MIPOL1: variants seen among roughly 807,000 people sequenced by gnomAD.
MIPOL1 encodes the protein mirror-image polydactyly 1.
MIPOL1 carries 57 observed loss-of-function variants against 60.9 expected under a neutral mutation model. The observed-to-expected ratio is 0.94, with a 90% CI of 0.76 to 1.17. The LOEUF (loss-of-function observed/expected upper bound fraction) is 1.17, where lower values mean the gene tolerates loss of function less well. Among genes scored for constraint, MIPOL1 ranks in the 50% most tolerant of loss-of-function variants. The pLI is 0.00. For missense variants in MIPOL1, 551 were observed against 511.6 expected (o/e 1.08, Z -0.74); for synonymous variants, 179 against 168.8 (o/e 1.06, Z -0.47).
At chr14:37,296,054 G>A (rs1329988970) in intron 7 of MIPOL1, among the ~76,000 whole-genome samples, 1 of 152,186 alleles carries the variant, frequency 6.6e-6, no homozygotes, top group African/African-American at 2.4e-5. Context: ...ATAGTTGGAA[G>A]TAAAGCACTC....
intron 11 of MIPOL1, among the ~76,000 whole-genome samples, chr14:37,445,205 G>C (rs1327144833): frequency 6.6e-6 from 1 of 151,808 alleles, no homozygotes; most frequent in African/African-American, 2.4e-5. Flanking sequence ...ATCTCCTTAA[G>C]CTGATAAGCA....
At chr14:37,502,880 G>T (rs1044406257) in intron 12 of MIPOL1, 5 of 152,064 alleles carry the variant, frequency 3.3e-5, no homozygotes, top group African/African-American at 1.2e-4. Context: ...CTTGAAAAAA[G>T]GTTACATGAA....
At chr14:37,417,601 T>C (rs2093794528) in intron 10 of MIPOL1, among the ~76,000 whole-genome samples, 1 of 152,202 alleles carries the variant, frequency 6.6e-6, no homozygotes, top group Admixed American at 6.5e-5. Flanking sequence ...TACTTAGTTA[T>C]GTTTCTTTTT....
chr14:37,399,481 G>T (rs2093440972), intron 10 of MIPOL1, among the ~76,000 whole-genome samples: 1 of 152,014 alleles, frequency 6.6e-6, no homozygotes, highest in African/African-American at 2.4e-5. Context: ...TGATATCTGG[G>T]TCATGCTGGC....
intron 9 of MIPOL1, 48 bp from the exon 10 acceptor site, chr14:37,369,469 A>G: frequency 7.1e-7 from 1 of 1,417,878 alleles, no homozygotes; most frequent in South Asian, 1.2e-5. Context: ...CTTGGTGAAA[A>G]AAAATGCTAT....
chr14:37,472,438 CTAA>C (rs1315403468), intron 11 of MIPOL1, among the ~76,000 whole-genome samples: 1 of 10,694 alleles, frequency 9.4e-5, no homozygotes, highest in African/African-American at 5.3e-4. Context: ...TATGGAGAAA[CTAA>C]CTAGTGAGAG....
chr14:37,338,521 G>A (rs1298248372), intron 9 of MIPOL1, among the ~76,000 whole-genome samples: 1 of 151,566 alleles, frequency 6.6e-6, no homozygotes, highest in African/African-American at 2.4e-5. Flanking sequence ...TGATTTTCCT[G>A]CCTCAGCCTC....
At chr14:37,271,041 T>G (rs1014022810) in intron 6 of MIPOL1, among the ~76,000 whole-genome samples, 4 of 152,234 alleles carry the variant, frequency 2.6e-5, no homozygotes, top group South Asian at 2.1e-4. Flanking sequence ...TCCCTGAGAT[T>G]AAAGTGAAAG....
chr14:37,530,091 C>T (rs188551305), intron 12 of MIPOL1, among the ~76,000 whole-genome samples: 1 of 152,166 alleles, frequency 6.6e-6, no homozygotes, highest in East Asian at 1.9e-4. Flanking sequence ...GATAGACAAA[C>T]AATGTACTGA....
intron 1 of MIPOL1, among the ~76,000 whole-genome samples, chr14:37,205,140 A>G (rs1965884477): frequency 6.6e-6 from 1 of 150,582 alleles, no homozygotes; most frequent in African/African-American, 2.4e-5. Context: ...TTTTGCTTTT[A>G]TTGTCCAGGC....
chr14:37,236,278 G>T (rs2415389), intron 1 of MIPOL1, among the ~76,000 whole-genome samples: 67,374 of 151,706 alleles, frequency 0.44, 17,171 homozygotes, highest in African/African-American at 0.71. Context: ...ATGTCATTGT[G>T]GTTTTAACAT....
At chr14:37,435,534 A>T (rs2094150229) in intron 11 of MIPOL1, among the ~76,000 whole-genome samples, 1 of 151,922 alleles carries the variant, frequency 6.6e-6, no homozygotes, top group Non-Finnish European at 1.5e-5. Flanking sequence ...TTAACCGCTG[A>T]ATCTTATACC....
intron 11 of MIPOL1, among the ~76,000 whole-genome samples, chr14:37,438,983 C>T (rs1466285437): frequency 1.3e-5 from 2 of 152,156 alleles, no homozygotes; most frequent in South Asian, 2.1e-4. Flanking sequence ...TTAGTAGTAA[C>T]CATTAACCAA....
chr14:37,448,645 C>T (rs1021031482), intron 11 of MIPOL1, among the ~76,000 whole-genome samples: 4 of 152,178 alleles, frequency 2.6e-5, no homozygotes, highest in Middle Eastern at 6.8e-3. Flanking sequence ...AAAATCTTTA[C>T]GAAGAAGTTA....
At chr14:37,495,700 C>T (rs1279162901) in intron 11 of MIPOL1, among the ~76,000 whole-genome samples, 1 of 133,662 alleles carries the variant, frequency 7.5e-6, no homozygotes, top group African/African-American at 3.0e-5. Flanking sequence ...CCTGAGGAAT[C>T]GCCACACTGT....
intron 12 of MIPOL1, among the ~76,000 whole-genome samples, chr14:37,539,964 G>A (rs75864884): frequency 0.037 from 5,673 of 152,196 alleles, 331 homozygotes; most frequent in African/African-American, 0.13. Flanking sequence ...AGATCAGATG[G>A]TTTTAGAGGG....
chr14:37,264,542 T>A (rs2082732427), intron 3 of MIPOL1, among the ~76,000 whole-genome samples: 1 of 151,598 alleles, frequency 6.6e-6, no homozygotes, highest in Admixed American at 6.6e-5. Flanking sequence ...TTGGGAAAAT[T>A]GCTTAAGCCC....
intron 12 of MIPOL1, among the ~76,000 whole-genome samples, chr14:37,516,781 A>G (rs1294872175): frequency 6.6e-6 from 1 of 152,200 alleles, no homozygotes; most frequent in African/African-American, 2.4e-5. Flanking sequence ...AAATTGAAAT[A>G]TGCTGTATTT....
intron 9 of MIPOL1, among the ~76,000 whole-genome samples, chr14:37,331,318 T>C (rs890077303): frequency 2.6e-5 from 4 of 152,136 alleles, no homozygotes; most frequent in Non-Finnish European, 5.9e-5. Context: ...TTGATGGGGA[T>C]TGCATTGAAT....
Sources: allele counts gnomAD v4.1 joint callset (sites outside exome capture counted in the v4.1 genomes callset), GRCh38; gene constraint gnomAD v4.1.1; transcripts MANE v1.5; gene names NCBI Gene and HGNC (gene_info 2026-07-23, HGNC 2026-07-21).